ZBED6: variants seen among roughly 807,000 people sequenced by gnomAD.
ZBED6 encodes zinc finger BED-type containing 6.
In ZBED6, 40 loss-of-function variants were observed where a neutral mutation model predicts 58.4. The observed-to-expected ratio is 0.68, with a 90% CI of 0.53 to 0.89. The LOEUF is 0.89. Ranked by LOEUF, ZBED6 falls within the 40% of genes least tolerant of loss-of-function variation. The pLI, the probability that ZBED6 is intolerant of heterozygous loss-of-function variation, is 0.00. For synonymous variants in ZBED6, 439 were observed against 350.6 expected (o/e 1.25, Z -2.82); for missense variants, 1,057 against 1,003.9 (o/e 1.05, Z -0.71).
chr1:203,831,814 T>C (rs756902296), intron 8 of ZBED6, 43 bp downstream of exon 8: 2 of 1,502,484 alleles, frequency 1.3e-6, no homozygotes, highest in Non-Finnish European at 1.8e-6. Context: ...CCTCTACTTT[T>C]ATATAATTGG....
intron 3 of ZBED6, among the ~76,000 whole-genome samples, chr1:203,827,003 T>A (rs1412349017): frequency 2.0e-5 from 3 of 152,182 alleles, no homozygotes; most frequent in Non-Finnish European, 4.4e-5. Flanking sequence ...GCATCCCAAC[T>A]ACTCTACCAT....
Position 203,819,034 on chromosome 1 carries a change from A to G in ZBED6, c.*2873+345A>G, listed in dbSNP as rs1677308365. On this transcript the variant is annotated intron_variant, in intron 3 of 16. Coordinates refer to ENST00000550078, the Ensembl canonical transcript of ZBED6. ...CAGTGAGCTGAGATCGCACCACTGC[A>G]CTCCAGCCTGGTGACAGAGCAACAC... Among the ~76,000 whole-genome samples the G allele has an allele frequency of 3.4e-5, 5 of 148,960 alleles. No homozygotes were observed. In the South Asian group the frequency reaches 1.1e-3, roughly 32 times the overall value.
In ZBED6 at chr1:203,847,669, C is replaced by G. The variant is rs766842587; in HGVS notation, c.*4227C>G. On this transcript the variant is annotated 3_prime_UTR_variant, in exon 12 of 17. Coordinates refer to ENST00000550078, the Ensembl canonical transcript of ZBED6. ...CACTCCAGGGGCAAGGCGGCTGCTG[C>G]GAATCACCAAAAGAACAGGTAACAA... 4 of 1,612,174 alleles carry G rather than the reference C, an allele frequency of 2.5e-6. No individual in the cohort carries two copies. In the South Asian group the frequency reaches 4.4e-5, roughly 18 times the overall value.
intron 1 of ZBED6, chr1:203,805,622 G>A: frequency 1.5e-6 from 1 of 680,186 alleles, no homozygotes; most frequent in Non-Finnish European, 2.8e-6. Flanking sequence ...GCAAATGTAT[G>A]AAGCAGGGAT....
intron 3 of ZBED6, among the ~76,000 whole-genome samples, chr1:203,826,388 C>CT (rs1174902604): frequency 6.7e-6 from 1 of 150,210 alleles, no homozygotes; most frequent in Non-Finnish European, 1.5e-5. Context: ...ATAATTAATT[C>CT]TTTTTAAAAA....
At chr1:203,805,023 G>GA (rs1671807081) in intron 1 of ZBED6, among the ~76,000 whole-genome samples, 1 of 151,146 alleles carries the variant, frequency 6.6e-6, no homozygotes, top group Non-Finnish European at 1.5e-5. Context: ...TTTTCCTTTT[G>GA]AAAAAATTGA....
intron 10 of ZBED6, 38 bp from the exon 11 acceptor site, chr1:203,840,268 G>A (rs1238900056): frequency 6.3e-7 from 1 of 1,598,822 alleles, no homozygotes; most frequent in Admixed American, 1.7e-5. Context: ...AAAAGTTTCT[G>A]TTCAACTTTT....
At chr1:203,813,288 C>T (rs1675143981) in intron 1 of ZBED6, among the ~76,000 whole-genome samples, 1 of 151,842 alleles carries the variant, frequency 6.6e-6, no homozygotes, top group Non-Finnish European at 1.5e-5. Flanking sequence ...CTCACTGCAA[C>T]CTCCGCCTCC....
At chr1:203,816,986 C>T (rs1676589057) in exon 2 of ZBED6, 3 of 891,502 alleles carry the variant, frequency 3.4e-6, no homozygotes, top group East Asian at 5.4e-5. Flanking sequence ...AAACCCATTT[C>T]ACGAGGACTT....
rs1402414757 is a variant in ZBED6 at position 203,796,648 on chromosome 1, A to G, written c.-875A>G. The G allele has an allele frequency of 7.6e-6, 3 of 392,978 alleles. No individual in the cohort carries two copies. The highest frequency in any genetic ancestry group is 1.3e-5 in the Non-Finnish European group (3 of 222,946). The allele number at this position is 392,978 out of a possible 1,614,324, so 24.3% of individuals were successfully genotyped here. On this transcript the variant is annotated 5_prime_UTR_variant, in exon 1 of 17. The change abolishes an upstream ATG in the 5' untranslated region. Coordinates refer to ENST00000550078, the Ensembl canonical transcript of ZBED6. The stretch of plus-strand genomic sequence containing the variant: ...GGGAAGGGGAGGGATCAATCGAAAA[A>G]TGGAAGTGGTTTAAAGTTCATATTT...
chr1:203,822,036 T>C (rs184635194), intron 3 of ZBED6, among the ~76,000 whole-genome samples: 137 of 152,166 alleles, frequency 9.0e-4, no homozygotes, highest in Admixed American at 3.9e-3. Flanking sequence ...GGATTACAGG[T>C]GTGAGCCACC....
intron 3 of ZBED6, among the ~76,000 whole-genome samples, chr1:203,824,021 C>T (rs1041023876): frequency 2.6e-5 from 4 of 152,090 alleles, no homozygotes; most frequent in Non-Finnish European, 4.4e-5. Flanking sequence ...GTAATCTCAG[C>T]ACTTTGGGAG....
At chr1:203,801,225 C>A (rs1323591921) in exon 1 of ZBED6, 1 of 151,940 alleles carries the variant, frequency 6.6e-6, no homozygotes, top group African/African-American at 2.4e-5. Context: ...TAATGAGAGC[C>A]CTTTGAACAT....
intron 3 of ZBED6, among the ~76,000 whole-genome samples, chr1:203,826,158 A>G (rs1036117596): frequency 1.3e-5 from 2 of 152,194 alleles, no homozygotes; most frequent in Non-Finnish European, 2.9e-5. Context: ...TAGCTATTAC[A>G]TCTACCTTTC....
intron 13 of ZBED6, 130 bp downstream of exon 13, chr1:203,848,537 A>T: frequency 1.5e-6 from 1 of 674,738 alleles, no homozygotes. Context: ...TTTTACTTAT[A>T]ATTTCTTATG....
rs548081853 is a variant in ZBED6, at chr1:203,838,640, A to G, written c.*3672+576A>G. Among the ~76,000 whole-genome samples, 93 of 152,324 alleles carry G rather than the reference A, an allele frequency of 6.1e-4. 1 individual carries two copies. Among genetic ancestry groups the G allele is most frequent in the Non-Finnish European group, 1.2e-3 (85 of 68,036 alleles). The stretch of plus-strand genomic sequence containing the variant: ...AGAAAGTTTGGACTTATTCTAAGAT[A>G]GTAACAACCCATTGAAAGGTTATAA... On this transcript the variant is annotated intron_variant, in intron 10 of 16. Coordinates refer to ENST00000550078, the Ensembl canonical transcript of ZBED6.
intron 1 of ZBED6, among the ~76,000 whole-genome samples, chr1:203,813,295 C>T (rs6656894): frequency 0.49 from 73,981 of 151,772 alleles, 18,594 homozygotes; most frequent in Non-Finnish European, 0.53. Flanking sequence ...CAACCTCCGC[C>T]TCCCAGGTTC....
At position 203,822,438 on chromosome 1, in the gene ZBED6, C is replaced by T. The variant is rs371932891; in HGVS notation, c.*2873+3749C>T. 1.4e-4 allele frequency among the ~76,000 whole-genome samples: 22 copies of T among 152,028 alleles called. No individual in the cohort carries two copies. The South Asian group carries it at 4.2e-3, about 29-fold the overall frequency. ...AACATCCTACTTTTGACCCCCAACA[C>T]GATCCCTATAATGGATACTGTTTTC... is the stretch of plus-strand genomic sequence containing the variant. On this transcript the variant is annotated intron_variant, in intron 3 of 16. Transcript: ENST00000550078.
chr1:203,839,730 C>A (rs1685486731), intron 10 of ZBED6, among the ~76,000 whole-genome samples: 1 of 152,160 alleles, frequency 6.6e-6, no homozygotes, highest in East Asian at 1.9e-4. Flanking sequence ...GAAGGCTCTA[C>A]AATAACAAAA....
Sources: allele counts gnomAD v4.1 joint callset (sites outside exome capture counted in the v4.1 genomes callset), GRCh38; gene constraint gnomAD v4.1.1; transcripts MANE v1.5; gene names NCBI Gene and HGNC (gene_info 2026-07-23, HGNC 2026-07-21).